Variants in IPO5 observed in about 807,000 individuals in gnomAD.
IPO5 encodes the protein importin 5.
A neutral mutation model predicts 143.3 loss-of-function variants in IPO5; 18 were observed. The ratio of observed to expected loss-of-function variants is 0.13; its 90% CI spans 0.09 to 0.19. The LOEUF is 0.19. Among genes scored for constraint, IPO5 ranks in the 10% least tolerant of loss-of-function variants. The pLI is 1.00. For synonymous variants in IPO5, 477 were observed against 465.7 expected, an observed-to-expected ratio of 1.02 and a Z score of -0.31; for missense variants, 1,013 against 1,336.9, an observed-to-expected ratio of 0.76 and a Z score of 3.78.
At chr13:97,991,203 TATG>T (rs1304808479) in intron 9 of IPO5, among the ~76,000 whole-genome samples, 1 of 152,174 alleles carries the variant, frequency 6.6e-6, no homozygotes, top group Admixed American at 6.6e-5. Context: ...ATGTAATATA[TATG>T]CATAATTTTT....
At chr13:97,961,066 G>A (rs1375419087) in intron 2 of IPO5, among the ~76,000 whole-genome samples, 1 of 151,940 alleles carries the variant, frequency 6.6e-6, no homozygotes, top group Non-Finnish European at 1.5e-5. Context: ...TCCCATAAGT[G>A]GGACCAAAAA....
intron 3 of IPO5, 67 bp from the exon 4 acceptor site, chr13:97,976,626 C>G (rs1886353342): frequency 3.1e-6 from 2 of 642,788 alleles, no homozygotes; most frequent in African/African-American, 3.9e-5. Flanking sequence ...CGCCCCCGCC[C>G]CTCCCGCGGC....
rs751764617 is a variant in IPO5, at chr13:97,993,204, A to G, written c.892A>G (p.Thr298Ala). 2 of 1,614,066 alleles carry G rather than the reference A, an allele frequency of 1.2e-6. No individual in the cohort carries two copies. The highest frequency in any genetic ancestry group is 1.7e-6 in the Non-Finnish European group (2 of 1,179,950). The change falls in exon 11 of 29, where the codon ACC (threonine) becomes GCC (alanine). Residue 298 changes from threonine (T) to alanine (A), a missense_variant. Transcript: ENST00000651721. Reference sequence around the variant, plus strand: ...TGCAGCTGCTATGTTAAGAAAACATACCAATATTGTTGCACAGACTAGTAA... The same window carrying G: ...TGCAGCTGCTATGTTAAGAAAACATGCCAATATTGTTGCACAGACTAGTAA... ...ETAAAMLRKH[T>A]NIVAQTIPQM...
intron 9 of IPO5, among the ~76,000 whole-genome samples, 180 bp from the exon 10 acceptor site, chr13:97,992,712 T>C (rs370599575): frequency 6.6e-6 from 1 of 152,226 alleles, no homozygotes; most frequent in East Asian, 1.9e-4. Flanking sequence ...TTAACATCCA[T>C]CAGAAGGAAG....
At chr13:97,998,681 T>G (rs141695741) in intron 12 of IPO5, among the ~76,000 whole-genome samples, 40 of 152,328 alleles carry the variant, frequency 2.6e-4, no homozygotes, top group African/African-American at 9.1e-4. Context: ...CTCTGTTACT[T>G]TAATCAACTT....
chr13:97,973,643 T>C (rs1886017235), intron 3 of IPO5, among the ~76,000 whole-genome samples: 1 of 152,202 alleles, frequency 6.6e-6, no homozygotes, highest in African/African-American at 2.4e-5. Flanking sequence ...CCCTTTTGAT[T>C]GGATATTTAA....
At chr13:97,959,412 A>C (rs538064451) in intron 2 of IPO5, among the ~76,000 whole-genome samples, 1 of 151,772 alleles carries the variant, frequency 6.6e-6, no homozygotes, top group African/African-American at 2.4e-5. Context: ...TATTTGCCTC[A>C]TCTTTCATTG....
At chr13:97,980,601 A>G (rs965130640) in intron 4 of IPO5, among the ~76,000 whole-genome samples, 1 of 152,098 alleles carries the variant, frequency 6.6e-6, no homozygotes, top group African/African-American at 2.4e-5. Context: ...AGGCCGAGGC[A>G]GGTGGATCAC....
chr13:97,989,322 TA>T (rs909093190), intron 7 of IPO5, among the ~76,000 whole-genome samples, 158 bp downstream of exon 7: 19 of 152,362 alleles, frequency 1.2e-4, no homozygotes, highest in African/African-American at 3.6e-4. Context: ...CAATTTTTTT[TA>T]AAAGGGCCTT....
intron 16 of IPO5, among the ~76,000 whole-genome samples, chr13:98,005,259 G>T (rs1018207030): frequency 1.3e-5 from 2 of 151,362 alleles, no homozygotes; most frequent in Middle Eastern, 3.4e-3. Context: ...ATGTAGTGGC[G>T]CAATCTCGGC....
intron 23 of IPO5, 31 bp from the exon 24 acceptor site, chr13:98,015,695 C>A: frequency 6.3e-7 from 1 of 1,592,332 alleles, no homozygotes; most frequent in Non-Finnish European, 8.6e-7. Context: ...TCTTGGCAAT[C>A]ATTTAAAACA....
intron 2 of IPO5, among the ~76,000 whole-genome samples, chr13:97,954,757 T>C (rs1464450862): frequency 6.6e-6 from 1 of 152,222 alleles, no homozygotes; most frequent in Non-Finnish European, 1.5e-5. Flanking sequence ...CAAATGCTAA[T>C]GCCTTTATTA....
intron 4 of IPO5, chr13:97,982,279 A>G (rs1886914276): frequency 8.6e-6 from 4 of 464,026 alleles, no homozygotes; most frequent in African/African-American, 4.0e-5. Flanking sequence ...CACACATTAG[A>G]AACATTTGTT....
At position 97,990,132 on chromosome 13, in the gene IPO5, T is replaced by G. The variant is rs200450016; in HGVS notation, c.474T>G (p.Phe158Leu). 1 of 1,601,346 alleles carries G rather than the reference T, an allele frequency of 6.2e-7. No homozygotes were observed. Residue 158 changes from phenylalanine to leucine, a missense_variant, in exon 8 of 29, where the codon TTT (phenylalanine) becomes TTG (leucine). Phe to Leu is a conservative substitution (Grantham distance 22). Transcript: ENST00000651721. ...TGTTTGGATTATCTTTTAGGAACTT[T>G]CCTGGAATTTTTGGGAACCAGCAAC... ...REAALHIFWN[F>L]PGIFGNQQQH...
chr13:98,006,198 T>C lies in IPO5; in HGVS notation c.1566T>C (p.Thr522=), dbSNP rs369595534. 1.9e-6 allele frequency: 3 copies of C among 1,613,932 alleles called. No homozygotes were observed. Among genetic ancestry groups the C allele is most frequent in the Non-Finnish European group, 2.5e-6 (3 of 1,179,900 alleles). Residue 522 remains threonine (T), a synonymous_variant, in exon 17 of 29, where the codon ACT becomes ACC. Coordinates refer to ENST00000651721, the MANE Select transcript of IPO5 (RefSeq NM_002271.6). ...VVTSIASVAD[T]AEEKFVPYYD... ...CATCCATTGCATCAGTTGCCGATAC[T>C]GCAGAAGAAAAATTTGTCCCCTACT... is the stretch of plus-strand genomic sequence containing the variant.
At chr13:97,973,998 G>A (rs1051924776) in intron 3 of IPO5, among the ~76,000 whole-genome samples, 5 of 152,194 alleles carry the variant, frequency 3.3e-5, no homozygotes, top group Non-Finnish European at 7.3e-5. Context: ...AGCCCAAGAA[G>A]TGGCGGCTGC....
chr13:98,007,831 A>T (rs1282341842), intron 17 of IPO5, among the ~76,000 whole-genome samples: 1 of 152,248 alleles, frequency 6.6e-6, no homozygotes, highest in Non-Finnish European at 1.5e-5. Context: ...TGATGCCATT[A>T]GAAGTACCTT....
At chr13:98,008,275 A>G in intron 18 of IPO5, 133 bp downstream of exon 18, 1 of 581,772 alleles carries the variant, frequency 1.7e-6, no homozygotes, top group Non-Finnish European at 3.1e-6. Flanking sequence ...GACATTCTTC[A>G]CTGATTTTCC....
In IPO5 at chr13:97,971,676, C is replaced by A. The variant is rs143808487; in HGVS notation, c.-5+1846C>A. 1.3e-4 allele frequency among the ~76,000 whole-genome samples: 20 copies of A among 152,122 alleles called. No homozygotes were observed. The East Asian group carries it at 3.5e-3, about 26-fold the overall frequency. On this transcript the variant is annotated intron_variant, in intron 3 of 28. Transcript: ENST00000651721. ...GTAATTACTTGTTTAAGGCCAGGCG[C>A]GGTGGCTCAAGCCTGTAACCCCAGC...
Sources: gnomAD v4.1 joint callset for allele counts (sites outside exome capture counted in the v4.1 genomes callset) on GRCh38, gnomAD v4.1.1 for gene constraint, MANE v1.5 for transcripts, NCBI Gene and HGNC (gene_info 2026-07-23, HGNC 2026-07-21) for gene names.